Variants in ENOX1 observed in about 807,000 individuals in gnomAD.
ENOX1 encodes the protein candidate growth-related and time keeping constitutive hydroquinone (NADH) oxidase.
Under a neutral mutation model 82.5 loss-of-function variants are expected in ENOX1, and 42 were observed. The observed-to-expected ratio is 0.51, with a 90% CI of 0.40 to 0.66. ENOX1 has a LOEUF of 0.66. Among genes scored for constraint, ENOX1 ranks in the 30% least tolerant of loss-of-function variants. ENOX1 has a pLI of 0.00. For missense variants in ENOX1, 608 were observed against 811.6 expected (o/e 0.75, Z 3.05); for synonymous variants, 271 against 282.2 (o/e 0.96, Z 0.40).
At chr13:43,245,872 A>G (rs531417704) in intron 14 of ENOX1, among the ~76,000 whole-genome samples, 4 of 152,286 alleles carry the variant, frequency 2.6e-5, no homozygotes, top group Admixed American at 1.3e-4. Flanking sequence ...CCGGATCGGA[A>G]GCACATACAT....
intron 2 of ENOX1, among the ~76,000 whole-genome samples, chr13:43,496,080 AT>A (rs2153664774): frequency 6.6e-6 from 1 of 152,202 alleles, no homozygotes; most frequent in African/African-American, 2.4e-5. Flanking sequence ...TTTCATACAT[AT>A]GTATTGCAAA....
chr13:43,712,789 T>C (rs978697181), intron 1 of ENOX1, among the ~76,000 whole-genome samples: 1 of 152,166 alleles, frequency 6.6e-6, no homozygotes. Context: ...CTGAAGTTGC[T>C]TATCAGCTTA....
rs1280778347 is a variant in ENOX1 at position 43,710,263 on chromosome 13, G to A, written c.-284-42719C>T. 2.0e-5 allele frequency among the ~76,000 whole-genome samples: 3 copies of A among 152,046 alleles called. No individual in the cohort carries two copies. In the East Asian group the frequency reaches 5.8e-4, roughly 29 times the overall value. On this transcript the variant is annotated intron_variant, in intron 1 of 16. Transcript: ENST00000690772. ...ATCCCGATGTTCAGATATATCCTAT[G>A]TCTGGATAACATATTTCCTAATAAT...
At chr13:43,736,413 G>C (rs767318039) in intron 1 of ENOX1, among the ~76,000 whole-genome samples, 1 of 152,094 alleles carries the variant, frequency 6.6e-6, no homozygotes, top group Non-Finnish European at 1.5e-5. Context: ...TTAATTTCTA[G>C]AATTATTATT....
chr13:43,329,962 C>A (rs1212150863), intron 9 of ENOX1, among the ~76,000 whole-genome samples: 1 of 152,178 alleles, frequency 6.6e-6, no homozygotes, highest in African/African-American at 2.4e-5. Context: ...GAAAAAGCAC[C>A]TCTAAGAGTA....
chr13:43,236,804 C>T (rs2042574909), intron 14 of ENOX1, 66 bp from the exon 15 acceptor site: 4 of 808,668 alleles, frequency 4.9e-6, no homozygotes, highest in Non-Finnish European at 7.6e-6. Flanking sequence ...CAATAAAAAA[C>T]ACCAGATCTC....
chr13:43,721,648 G>C (rs1179168919), intron 1 of ENOX1, among the ~76,000 whole-genome samples: 1 of 152,118 alleles, frequency 6.6e-6, no homozygotes, highest in Non-Finnish European at 1.5e-5. Flanking sequence ...AAAGTGCTGG[G>C]ATTACAGGCA....
chr13:43,240,811 T>C (rs1045680113), intron 14 of ENOX1, among the ~76,000 whole-genome samples: 4 of 152,264 alleles, frequency 2.6e-5, no homozygotes, highest in African/African-American at 9.6e-5. Context: ...GCTCTTTTTA[T>C]GGGGCCTTTC....
intron 5 of ENOX1, among the ~76,000 whole-genome samples, chr13:43,370,447 A>C (rs1049206379): frequency 6.6e-6 from 1 of 152,118 alleles, no homozygotes; most frequent in Non-Finnish European, 1.5e-5. Context: ...CTCTGTTGTA[A>C]ATTTCCAGTT....
intron 2 of ENOX1, among the ~76,000 whole-genome samples, chr13:43,598,859 A>G (rs1278225226): frequency 6.6e-6 from 1 of 152,190 alleles, no homozygotes; most frequent in Non-Finnish European, 1.5e-5. Flanking sequence ...GAAAGAGCAA[A>G]CTGATAAGGA....
intron 2 of ENOX1, among the ~76,000 whole-genome samples, chr13:43,624,360 G>A (rs1053189725): frequency 1.3e-4 from 20 of 152,014 alleles, no homozygotes; most frequent in South Asian, 1.0e-3. Flanking sequence ...TATTTTCTCC[G>A]AATCCATAGC....
intron 5 of ENOX1, among the ~76,000 whole-genome samples, chr13:43,382,643 A>G (rs573365508): frequency 6.6e-6 from 1 of 152,308 alleles, no homozygotes; most frequent in Admixed American, 6.5e-5. Context: ...CTGAGTAGGT[A>G]GGAGGAAGAG....
At chr13:43,391,625 C>T (rs1234273077) in intron 5 of ENOX1, among the ~76,000 whole-genome samples, 1 of 152,140 alleles carries the variant, frequency 6.6e-6, no homozygotes. Flanking sequence ...TTCTCTCTCT[C>T]TCACTCCCCT....
At chr13:43,561,248 C>T (rs529770694) in intron 2 of ENOX1, among the ~76,000 whole-genome samples, 90 of 152,256 alleles carry the variant, frequency 5.9e-4, no homozygotes, top group African/African-American at 2.1e-3. Context: ...AGACTCACCC[C>T]TGGTTTGGCA....
chr13:43,317,913 G>A (rs190148279), intron 11 of ENOX1, among the ~76,000 whole-genome samples: 303 of 152,006 alleles, frequency 2.0e-3, no homozygotes, highest in African/African-American at 6.7e-3. Flanking sequence ...GCTGAGGCAG[G>A]AGAATGGCGT....
intron 1 of ENOX1, among the ~76,000 whole-genome samples, chr13:43,737,559 A>C (rs906164686): frequency 1.4e-4 from 22 of 152,178 alleles, no homozygotes; most frequent in African/African-American, 4.8e-4. Context: ...CTCAGAACTG[A>C]TCTCACTAGC....
intron 8 of ENOX1, among the ~76,000 whole-genome samples, chr13:43,351,778 A>G (rs2049823248): frequency 6.6e-6 from 1 of 151,516 alleles, no homozygotes; most frequent in Non-Finnish European, 1.5e-5. Flanking sequence ...ATGGCTGCAT[A>G]GTATTCCATG....
chr13:43,520,211 T>C (rs2077710242), intron 2 of ENOX1, among the ~76,000 whole-genome samples: 3 of 152,134 alleles, frequency 2.0e-5, no homozygotes, highest in African/African-American at 7.2e-5. Context: ...CTCATTATCA[T>C]GACCCTGGAT....
intron 2 of ENOX1, among the ~76,000 whole-genome samples, chr13:43,541,171 C>CTTTTTTT (rs1555317884): frequency 2.6e-5 from 1 of 38,732 alleles, no homozygotes; most frequent in African/African-American, 6.4e-5. Context: ...CTTCTTCCCT[C>CTTTTTTT]TGTTTTTTTT....
Sources: gnomAD v4.1 joint callset for allele counts (sites outside exome capture counted in the v4.1 genomes callset) on GRCh38, gnomAD v4.1.1 for gene constraint, MANE v1.5 for transcripts, NCBI Gene and HGNC (gene_info 2026-07-23, HGNC 2026-07-21) for gene names.